The following RASA3 variants were observed in gnomAD, a reference collection of about 807,000 sequenced individuals.
RASA3 encodes ras GTPase-activating protein 3.
Under a neutral mutation model 110.0 loss-of-function variants are expected in RASA3, and 73 were observed. The observed-to-expected ratio is 0.66, with a 90% CI of 0.55 to 0.81. The LOEUF (loss-of-function observed/expected upper bound fraction) is 0.81, where lower values mean the gene tolerates loss of function less well. Among genes scored for constraint, RASA3 ranks in the 30% least tolerant of loss-of-function variants. The probability of loss-of-function intolerance (pLI) is 0.00; values close to 1 mark genes in which losing one functional copy is unlikely to be tolerated. For missense variants in RASA3, 976 were observed against 1,113.2 expected (o/e 0.88, Z 1.75); for synonymous variants, 500 against 451.4 (o/e 1.11, Z -1.37).
At chr13:114,002,626 T>C (rs2053431343) in intron 18 of RASA3, among the ~76,000 whole-genome samples, 1 of 152,130 alleles carries the variant, frequency 6.6e-6, no homozygotes, top group Non-Finnish European at 1.5e-5. Flanking sequence ...GGCTTTAGGA[T>C]TTTTTTAAGA....
intron 1 of RASA3, among the ~76,000 whole-genome samples, chr13:114,091,332 C>T (rs959339347): frequency 3.3e-5 from 5 of 151,974 alleles, no homozygotes; most frequent in African/African-American, 7.2e-5. Context: ...TTTCCCCATT[C>T]GGTATGAGGT....
chr13:114,099,935 T>C (rs1167143777), intron 1 of RASA3, among the ~76,000 whole-genome samples: 1 of 530 alleles, frequency 1.9e-3, no homozygotes, highest in Non-Finnish European at 4.7e-3. Context: ...ACAGCCCCCC[T>C]GCAGCCCCCC....
At chr13:114,063,256 C>A (rs920973901) in intron 2 of RASA3, among the ~76,000 whole-genome samples, 2 of 151,590 alleles carry the variant, frequency 1.3e-5, no homozygotes, top group Non-Finnish European at 2.9e-5. Context: ...CAGGAAACAT[C>A]CTCCTGGAGT....
chr13:113,996,814 C>T (rs964399213), intron 20 of RASA3, 75 bp from the exon 21 acceptor site: 1 of 1,325,610 alleles, frequency 7.5e-7, no homozygotes, highest in Non-Finnish European at 1.1e-6. Context: ...CCACCAGGCA[C>T]CTGGCCGTCC....
chr13:113,979,916 G>A (rs553301480), intron 23 of RASA3, among the ~76,000 whole-genome samples: 27 of 149,612 alleles, frequency 1.8e-4, no homozygotes, highest in African/African-American at 5.9e-4. Flanking sequence ...CTCCTCCTAC[G>A]TGCCTACCAC....
intron 20 of RASA3, among the ~76,000 whole-genome samples, chr13:113,997,093 A>G (rs6560930): frequency 0.71 from 107,462 of 152,026 alleles, 38,830 homozygotes; most frequent in African/African-American, 0.87. Flanking sequence ...GCCTCCCCAC[A>G]AGGCCCTCCT....
chr13:114,021,915 C>T (rs1477304283), intron 8 of RASA3, among the ~76,000 whole-genome samples: 2 of 151,938 alleles, frequency 1.3e-5, no homozygotes, highest in Non-Finnish European at 2.9e-5. Flanking sequence ...AGCCAGGCGT[C>T]GCTCTGTGCC....
At chr13:114,037,784 G>C (rs2054306624) in intron 4 of RASA3, among the ~76,000 whole-genome samples, 1 of 152,206 alleles carries the variant, frequency 6.6e-6, no homozygotes, top group Admixed American at 6.5e-5. Context: ...AACATCCGTG[G>C]ACTGCACAAA....
At chr13:114,117,768 G>C (rs542504662) in intron 1 of RASA3, among the ~76,000 whole-genome samples, 1 of 121,994 alleles carries the variant, frequency 8.2e-6, no homozygotes, top group Non-Finnish European at 1.8e-5. Flanking sequence ...ACGTGTGTGA[G>C]AGCACGTGTG....
intron 2 of RASA3, among the ~76,000 whole-genome samples, chr13:114,058,621 C>A (rs575670444): frequency 2.6e-5 from 4 of 152,268 alleles, no homozygotes; most frequent in Non-Finnish European, 2.9e-5. Flanking sequence ...GATGCCCAGA[C>A]CAGCAACCAT....
intron 2 of RASA3, among the ~76,000 whole-genome samples, chr13:114,061,665 A>T (rs2079351502): frequency 6.9e-6 from 1 of 144,610 alleles, no homozygotes; most frequent in Non-Finnish European, 1.5e-5. Context: ...CGACAAAGCA[A>T]GACTCTGTCT....
intron 2 of RASA3, among the ~76,000 whole-genome samples, chr13:114,064,194 C>T (rs936040970): frequency 6.6e-6 from 1 of 152,222 alleles, no homozygotes; most frequent in Non-Finnish European, 1.5e-5. Context: ...ATGGACACAG[C>T]GTCCCAGGAC....
intron 3 of RASA3, among the ~76,000 whole-genome samples, chr13:114,042,992 G>A (rs1393784756): frequency 6.6e-6 from 1 of 152,204 alleles, no homozygotes; most frequent in African/African-American, 2.4e-5. Context: ...CACCCTGCGA[G>A]GTCCCAGGAC....
At chr13:114,094,048 C>T (rs928682818) in intron 1 of RASA3, among the ~76,000 whole-genome samples, 4 of 152,074 alleles carry the variant, frequency 2.6e-5, no homozygotes, top group South Asian at 4.2e-4. Context: ...TGTTAGGGCC[C>T]GTCTCTCGCA....
rs868033555 is a variant in RASA3 at position 114,132,593 on chromosome 13, G to C, written c.-104C>G. ...CGGCGCCGGAGCCCCGAGCGCGGCCGAGGGTCCGCCCGCCTGCAAGACCGC... is the reference window on the plus strand; with the variant it reads ...CGGCGCCGGAGCCCCGAGCGCGGCCCAGGGTCCGCCCGCCTGCAAGACCGC... On this transcript the variant is annotated 5_prime_UTR_variant, in exon 1 of 24. Coordinates refer to ENST00000334062, the MANE Select transcript of RASA3 (RefSeq NM_007368.4). The C allele has an allele frequency of 1.5e-3, 1,556 of 1,014,278 alleles. 20 individuals are homozygous for C. The African/African-American group carries it at 0.024, about 16-fold the overall frequency. 62.8% of individuals were successfully genotyped at this position (1,014,278 alleles called of 1,614,324 possible).
At chr13:114,027,801 A>G in intron 6 of RASA3, 46 bp downstream of exon 6, 1 of 1,570,314 alleles carries the variant, frequency 6.4e-7, no homozygotes, top group South Asian at 1.1e-5. Context: ...GCTGGACCCT[A>G]GCCCCCCAGG....
intron 4 of RASA3, among the ~76,000 whole-genome samples, chr13:114,039,742 C>T (rs562556095): frequency 2.0e-4 from 30 of 152,342 alleles, no homozygotes; most frequent in African/African-American, 7.0e-4. Context: ...AGCTGGGCAC[C>T]GTGCGTCCGT....
intron 11 of RASA3, among the ~76,000 whole-genome samples, chr13:114,017,756 A>G (rs1346350480): frequency 6.6e-6 from 1 of 152,194 alleles, no homozygotes; most frequent in Non-Finnish European, 1.5e-5. Context: ...TTTCTAGAAC[A>G]GGGCGTCCGG....
At chr13:114,110,797 C>T (rs981060954) in intron 1 of RASA3, among the ~76,000 whole-genome samples, 31 of 152,222 alleles carry the variant, frequency 2.0e-4, no homozygotes, top group African/African-American at 7.5e-4. Context: ...ACACACCCAT[C>T]CGGACACCGG....
Sources: gnomAD v4.1 joint callset for allele counts (sites outside exome capture counted in the v4.1 genomes callset) on GRCh38, gnomAD v4.1.1 for gene constraint, MANE v1.5 for transcripts, NCBI Gene and HGNC (gene_info 2026-07-23, HGNC 2026-07-21) for gene names.